ATP5MC2: variants seen among roughly 807,000 people sequenced by gnomAD.
The protein encoded by ATP5MC2 is ATP synthase membrane subunit c locus 2.
In ATP5MC2, 11 loss-of-function variants were observed where a neutral mutation model predicts 13.5. That is an observed-to-expected ratio of 0.81 (90% CI 0.51 to 1.35). ATP5MC2 has a LOEUF of 1.35. Among genes scored for constraint, ATP5MC2 ranks in the 40% most tolerant of loss-of-function variants. The pLI is 0.00. For missense variants in ATP5MC2, 132 were observed against 175.0 expected, an observed-to-expected ratio of 0.75 and a Z score of 1.39; for synonymous variants, 64 against 69.7, an observed-to-expected ratio of 0.92 and a Z score of 0.41.
upstream of ATP5MC2, chr12:53,676,508 C>T: frequency 3.8e-6 from 1 of 263,174 alleles, no homozygotes; most frequent in South Asian, 6.1e-5. Context: ...TGCTTTCTGT[C>T]GCGCCGGGAC....
chr12:53,668,966 T>C (rs1428885260), intron 4 of ATP5MC2, among the ~76,000 whole-genome samples, 182 bp downstream of exon 4: 1 of 152,096 alleles, frequency 6.6e-6, no homozygotes, highest in Non-Finnish European at 1.5e-5. Flanking sequence ...GACAGTGAGC[T>C]GAGATTGCGC....
Position 53,669,286 on chromosome 12 carries a change from C to T in ATP5MC2, c.173G>A (p.Ser58Asn), listed in dbSNP as rs13819. 7 of 1,613,984 alleles carry T rather than the reference C, an allele frequency of 4.3e-6. No homozygotes were observed. In the East Asian group the frequency reaches 1.6e-4, roughly 36 times the overall value. The change falls in exon 4 of 5, where the codon AGC becomes AAC. Residue 58 changes from serine to asparagine, a missense_variant. Coordinates refer to ENST00000394349, the MANE Select transcript of ATP5MC2 (RefSeq NM_005176.7). ...CCTTGAAATGGCGCTGGTTTGGAAG[C>T]TGCGGCTAGAGACAAGTGAGGTAAG... ...CPLTSLVSSR[S>N]FQTSAISRDI... is the part of the protein sequence containing the mutation.
chr12:53,667,891 G>A (rs1944964311), intron 4 of ATP5MC2, among the ~76,000 whole-genome samples: 1 of 145,310 alleles, frequency 6.9e-6, no homozygotes, highest in African/African-American at 2.5e-5. Flanking sequence ...GACCAAAGCT[G>A]TTCATGAAAC....
intron 4 of ATP5MC2, among the ~76,000 whole-genome samples, chr12:53,667,297 T>C (rs1944942350): frequency 6.6e-6 from 1 of 152,102 alleles, no homozygotes; most frequent in Non-Finnish European, 1.5e-5. Flanking sequence ...CTGGCTGCAG[T>C]GCCAGTTTTC....
upstream of ATP5MC2, chr12:53,676,294 A>G: frequency 6.6e-7 from 1 of 1,524,748 alleles, no homozygotes; most frequent in South Asian, 1.3e-5. Context: ...AAATGAGGCC[A>G]ACTCCGCGGA....
intron 1 of ATP5MC2, chr12:53,673,819 CAAA>C (rs371072145): frequency 1.8e-3 from 232 of 130,470 alleles, no homozygotes; most frequent in South Asian, 0.01. Flanking sequence ...GAAACTGTCT[CAAA>C]AAAAAAAAAA....
rs745783631 is a variant in ATP5MC2 at position 53,676,036 on chromosome 12, A to AGGTCCCAAGGCCTTACCT, written c.-33_-32+16dup. 2 of 1,612,042 alleles carry AGGTCCCAAGGCCTTACCT rather than the reference A, an allele frequency of 1.2e-6. No homozygotes were observed. The highest frequency in any genetic ancestry group is 2.2e-5 in the East Asian group (1 of 44,880). ...GCGTGCGCAGCGCACAGAGGGCTCT[A>AGGTCCCAAGGCCTTACCT]GGTCCCAAGGCCTTACCTGCTCCCA... On this transcript the variant is annotated intron_variant, in intron 1 of 4. Transcript: ENST00000394349.
upstream of ATP5MC2, chr12:53,676,251 G>A: frequency 6.3e-7 from 1 of 1,585,622 alleles, no homozygotes. Flanking sequence ...CCTGGCGTTC[G>A]AGAGGAGAAA....
chr12:53,672,083 C>CAAAAAAAAAAAAAAAAAAAAAAAAAAAA lies in ATP5MC2; in HGVS notation c.39+492_39+493insTTTTTTTTTTTTTTTTTTTTTTTTTTTT, dbSNP rs916010110. On this transcript the variant is annotated intron_variant, in intron 2 of 4. Coordinates refer to ENST00000394349, the MANE Select transcript of ATP5MC2 (RefSeq NM_005176.7). ...GGGCAACAAGAGCGAAACTCTGTCT[C>CAAAAAAAAAAAAAAAAAAAAAAAAAAAA]AAAAAAAAAAAAAAAAAAAAAATTA... Among the ~76,000 whole-genome samples the CAAAAAAAAAAAAAAAAAAAAAAAAAAAA allele has an allele frequency of 4.0e-4, 19 of 47,176 alleles. 2 individuals are homozygous for CAAAAAAAAAAAAAAAAAAAAAAAAAAAA. Among genetic ancestry groups the CAAAAAAAAAAAAAAAAAAAAAAAAAAAA allele is most frequent in the Admixed American group, 5.4e-4 (2 of 3,688 alleles). The allele number at this position is 47,176 out of a possible 152,430, so 30.9% of individuals were successfully genotyped here. A position where few individuals can be genotyped will look rare whatever the true frequency, so the allele number is the denominator to read the frequency against.
chr12:53,671,830 A>G (rs1284068907), intron 2 of ATP5MC2, among the ~76,000 whole-genome samples: 2 of 152,084 alleles, frequency 1.3e-5, no homozygotes, highest in Non-Finnish European at 2.9e-5. Flanking sequence ...TCAGGAGTTC[A>G]AGACCAGCCT....
intron 4 of ATP5MC2, among the ~76,000 whole-genome samples, chr12:53,668,662 T>C (rs1181866670): frequency 1.3e-5 from 2 of 152,164 alleles, no homozygotes; most frequent in African/African-American, 4.8e-5. Flanking sequence ...TACTGAGCAC[T>C]CGAAATATGG....
At chr12:53,679,303 GA>G (rs1309539710), upstream of ATP5MC2, among the ~76,000 whole-genome samples, 1 of 148,950 alleles carries the variant, frequency 6.7e-6, no homozygotes, top group Non-Finnish European at 1.5e-5. Context: ...GAAATGCGAA[GA>G]AAAAATATTG....
upstream of ATP5MC2, chr12:53,676,278 C>CTG (rs4020138): frequency 0.48 from 751,954 of 1,558,098 alleles, 187,891 homozygotes; most frequent in East Asian, 0.93. Flanking sequence ...GGAGCGCCGA[C>CTG]TGCAGAAATG....
At chr12:53,678,477 A>G (rs1323188313), upstream of ATP5MC2, among the ~76,000 whole-genome samples, 2 of 152,226 alleles carry the variant, frequency 1.3e-5, no homozygotes, top group Non-Finnish European at 2.9e-5. Flanking sequence ...TTGAGATAGT[A>G]TCTCCTGAAA....
At chr12:53,679,175 A>C (rs556190023), upstream of ATP5MC2, among the ~76,000 whole-genome samples, 17 of 152,052 alleles carry the variant, frequency 1.1e-4, no homozygotes, top group African/African-American at 4.1e-4. Flanking sequence ...AAAAATCAAG[A>C]TACTCATGCA....
chr12:53,666,222 T>C (rs1944910164), intron 4 of ATP5MC2, among the ~76,000 whole-genome samples: 1 of 151,818 alleles, frequency 6.6e-6, no homozygotes, highest in East Asian at 1.9e-4. Flanking sequence ...GATGAGTAGA[T>C]TGCTTGAGGT....
At position 53,667,148 on chromosome 12, in the gene ATP5MC2, T is replaced by C. The variant is rs59322942; in HGVS notation, c.312-1720A>G. ...TAAAGCAGCAGTCAGACTTCTTGTT[T>C]AATACAAATTCTTAAAAAGAACTCT... On this transcript the variant is annotated intron_variant, in intron 4 of 4. Coordinates refer to ENST00000394349, the MANE Select transcript of ATP5MC2 (RefSeq NM_005176.7). Among the ~76,000 whole-genome samples the C allele has an allele frequency of 1.3e-3, 202 of 152,316 alleles. 2 individuals carry two copies. The East Asian group carries it at 0.029, about 22-fold the overall frequency.
At position 53,676,030 on chromosome 12, in the gene ATP5MC2, G is replaced by A. The variant is rs773846432; in HGVS notation, c.-32+23C>T. The A allele has an allele frequency of 9.3e-6, 15 of 1,609,934 alleles. No homozygotes were observed. The African/African-American group carries it at 1.5e-4, about 16-fold the overall frequency. On this transcript the variant is annotated intron_variant, in intron 1 of 4. Transcript: ENST00000394349. ...CCGCGCGCGTGCGCAGCGCACAGAGGGCTCTAGGTCCCAAGGCCTTACCTG... is the reference window on the plus strand; with the variant it reads ...CCGCGCGCGTGCGCAGCGCACAGAGAGCTCTAGGTCCCAAGGCCTTACCTG...
rs772110168 is a variant in ATP5MC2, at chr12:53,667,956, C to CATATATATATATATAT, written c.311+1176_311+1191dup. Among the ~76,000 whole-genome samples the CATATATATATATATAT allele has an allele frequency of 6.6e-3, 441 of 67,064 alleles. 40 individuals are homozygous for CATATATATATATATAT. Among genetic ancestry groups the CATATATATATATATAT allele is most frequent in the Middle Eastern group, 0.023 (2 of 86 alleles). 44.0% of individuals were successfully genotyped at this position (67,064 alleles called of 152,430 possible). A position where few individuals can be genotyped will look rare whatever the true frequency, so the allele number is the denominator to read the frequency against. ...TCTAATACATACATACATACACACACATATATATATATATATATATATATA... is the reference window on the plus strand; with the variant it reads ...TCTAATACATACATACATACACACACATATATATATATATATATATATATATATATATATATATATA... On this transcript the variant is annotated intron_variant, in intron 4 of 4. Coordinates refer to ENST00000394349, the MANE Select transcript of ATP5MC2 (RefSeq NM_005176.7).
Sources: gnomAD v4.1 joint callset for allele counts (sites outside exome capture counted in the v4.1 genomes callset) on GRCh38, gnomAD v4.1.1 for gene constraint, MANE v1.5 for transcripts, NCBI Gene and HGNC (gene_info 2026-07-23, HGNC 2026-07-21) for gene names.